The following N4BP2 variants were observed in gnomAD, a reference collection of about 807,000 sequenced individuals.
N4BP2 encodes NEDD4-binding protein 2.
Under a neutral mutation model 152.8 loss-of-function variants are expected in N4BP2, and 91 were observed. The ratio of observed to expected loss-of-function variants is 0.60; its 90% CI spans 0.50 to 0.71. The LOEUF is 0.71. Among genes scored for constraint, N4BP2 ranks in the 30% least tolerant of loss-of-function variants. The pLI is 0.00. For synonymous variants in N4BP2, 646 were observed against 705.3 expected, an observed-to-expected ratio of 0.92 and a Z score of 1.33; for missense variants, 1,923 against 2,059.1, an observed-to-expected ratio of 0.93 and a Z score of 1.28.
intron 2 of N4BP2, among the ~76,000 whole-genome samples, chr4:40,082,753 T>C (rs1578979334): frequency 6.6e-6 from 1 of 151,054 alleles, no homozygotes; most frequent in Non-Finnish European, 1.5e-5. Flanking sequence ...CAGGCTGGAG[T>C]GCAGTGGCTC....
chr4:40,083,340 A>C (rs1244937074), intron 2 of N4BP2, among the ~76,000 whole-genome samples: 1 of 152,136 alleles, frequency 6.6e-6, no homozygotes, highest in African/African-American at 2.4e-5. Flanking sequence ...TTAGATATAT[A>C]CTTGAGAGAT....
At chr4:40,183,571 C>T in the N4BP2 span, among the ~76,000 whole-genome samples, 1 of 152,108 alleles carries the variant, frequency 6.6e-6, no homozygotes, top group African/African-American at 2.4e-5. Flanking sequence ...CTTCTGACCT[C>T]GTGATCCGCC....
Position 40,157,926 on chromosome 4 carries a change from T to C in N4BP2, c.*3689T>C, listed in dbSNP as rs920346580. On this transcript the variant is annotated 3_prime_UTR_variant, in exon 18 of 18. Coordinates refer to ENST00000261435, the MANE Select transcript of N4BP2 (RefSeq NM_018177.6). ...TGAAGAGCCGTTTATAACTTCATATTATATGATGACAAAGTTCATTATTTT... is the reference window on the plus strand; with the variant it reads ...TGAAGAGCCGTTTATAACTTCATATCATATGATGACAAAGTTCATTATTTT... 2.6e-5 allele frequency: 4 copies of C among 152,220 alleles called. No homozygotes were observed. The highest frequency in any genetic ancestry group is 9.6e-5 in the African/African-American group (4 of 41,470). 9.4% of individuals were successfully genotyped at this position (152,220 alleles called of 1,614,324 possible).
At chr4:40,148,215 G>A (rs767575082) in intron 16 of N4BP2, among the ~76,000 whole-genome samples, 9 of 152,256 alleles carry the variant, frequency 5.9e-5, no homozygotes, top group East Asian at 1.9e-4. Flanking sequence ...TCGGGAGGCC[G>A]AGGCTGGCAG....
At chr4:40,115,202 AT>A (rs968160989) in intron 7 of N4BP2, among the ~76,000 whole-genome samples, 4 of 152,108 alleles carry the variant, frequency 2.6e-5, no homozygotes, top group Non-Finnish European at 5.9e-5. Flanking sequence ...TGATGTTAAA[AT>A]TTCCCTATGT....
At chr4:40,058,490 CTT>C (rs1733399061) in intron 1 of N4BP2, among the ~76,000 whole-genome samples, 1 of 152,084 alleles carries the variant, frequency 6.6e-6, no homozygotes, top group Non-Finnish European at 1.5e-5. Flanking sequence ...AATGGCTGCT[CTT>C]TTGCAAGGAG....
intron 12 of N4BP2, among the ~76,000 whole-genome samples, chr4:40,128,590 C>T (rs962266022): frequency 2.7e-5 from 4 of 149,892 alleles, no homozygotes; most frequent in Non-Finnish European, 4.4e-5. Flanking sequence ...TGCAGTGGTG[C>T]GTTCTTGGCA....
At chr4:40,067,690 T>A (rs1453759353) in intron 1 of N4BP2, among the ~76,000 whole-genome samples, 2 of 152,030 alleles carry the variant, frequency 1.3e-5, no homozygotes, top group Non-Finnish European at 2.9e-5. Context: ...TTCACCAACA[T>A]TTTTATTTTT....
chr4:40,088,544 G>A (rs895121042), intron 2 of N4BP2, among the ~76,000 whole-genome samples: 1 of 147,056 alleles, frequency 6.8e-6, no homozygotes, highest in Non-Finnish European at 1.5e-5. Context: ...CTTGTTGCCC[G>A]GGCTGGAGGG....
intron 7 of N4BP2, among the ~76,000 whole-genome samples, chr4:40,116,589 T>A (rs1167789246): frequency 6.6e-6 from 1 of 152,220 alleles, no homozygotes; most frequent in Non-Finnish European, 1.5e-5. Flanking sequence ...GACACTTGCC[T>A]CCCTCTCAAT....
At chr4:40,134,168 C>T (rs1036792954) in intron 13 of N4BP2, among the ~76,000 whole-genome samples, 3 of 152,286 alleles carry the variant, frequency 2.0e-5, no homozygotes, top group Middle Eastern at 3.4e-3. Context: ...AATATGTCAC[C>T]TAAATCAAAT....
At chr4:40,111,324 A>G (rs1716857563) in intron 5 of N4BP2, among the ~76,000 whole-genome samples, 1 of 152,072 alleles carries the variant, frequency 6.6e-6, no homozygotes, top group Admixed American at 6.6e-5. Flanking sequence ...CAGTCTTAAT[A>G]TGTGGGGTTT....
intron 16 of N4BP2, among the ~76,000 whole-genome samples, chr4:40,148,586 C>T (rs1037225260): frequency 7.9e-5 from 12 of 152,240 alleles, no homozygotes; most frequent in Admixed American, 4.6e-4. Context: ...TAGTATAATG[C>T]CCTCCAGCCA....
chr4:40,113,780 CAG>C, intron 7 of N4BP2, among the ~76,000 whole-genome samples: 1 of 152,052 alleles, frequency 6.6e-6, no homozygotes, highest in Non-Finnish European at 1.5e-5. Context: ...AATATAGAGA[CAG>C]GGTCTTGCCA....
At chr4:40,082,027 G>A (rs1474598094) in intron 2 of N4BP2, among the ~76,000 whole-genome samples, 2 of 152,112 alleles carry the variant, frequency 1.3e-5, no homozygotes, top group Non-Finnish European at 2.9e-5. Context: ...CAGGAGACTC[G>A]CTTGAATCTG....
At position 40,121,460 on chromosome 4, in the gene N4BP2, G is replaced by A. The variant is rs931028793; in HGVS notation, c.3349G>A (p.Asp1117Asn). 6.2e-7 allele frequency: 1 copy of A among 1,613,928 alleles called. No homozygotes were observed. Among genetic ancestry groups the A allele is most frequent in the Non-Finnish European group, 8.5e-7 (1 of 1,179,912 alleles). Residue 1117 changes from aspartate to asparagine, a missense_variant, in exon 9 of 18, where the codon GAT becomes AAT. Asp to Asn is a conservative substitution (Grantham distance 23). Coordinates refer to ENST00000261435, the MANE Select transcript of N4BP2 (RefSeq NM_018177.6). ...LKDLYERCNK[D>N]IIWATSLLLD... ...AGACTTATATGAGAGGTGCAATAAAGATATTATTTGGGCCACAAGCCTTTT... is the reference window on the plus strand; with the variant it reads ...AGACTTATATGAGAGGTGCAATAAAAATATTATTTGGGCCACAAGCCTTTT...
intron 12 of N4BP2, among the ~76,000 whole-genome samples, chr4:40,130,744 C>T (rs1579100528): frequency 6.6e-6 from 1 of 152,158 alleles, no homozygotes; most frequent in African/African-American, 2.4e-5. Flanking sequence ...TCAAGGAATC[C>T]TCCTACCTCA....
chr4:40,102,698 G>A lies in N4BP2; in HGVS notation c.853G>A (p.Asp285Asn), dbSNP rs762785614. 2.5e-6 allele frequency: 4 copies of A among 1,614,178 alleles called. No individual in the cohort carries two copies. The highest frequency in any genetic ancestry group is 3.4e-6 in the Non-Finnish European group (4 of 1,180,040). The change falls in exon 4 of 18, where the codon GAT (aspartate) becomes AAT (asparagine). Residue 285 changes from aspartate to asparagine, a missense_variant. Transcript: ENST00000261435. ...VEAQFSEAPV[D>N]LDASEPQACL... is the part of the protein sequence containing the mutation. ...GGCTCAATTCTCTGAAGCTCCTGTA[G>A]ATTTGGATGCCAGTGAACCTCAGGC... is the stretch of plus-strand genomic sequence containing the variant.
chr4:40,105,706 A>G (rs2109968982), intron 4 of N4BP2, among the ~76,000 whole-genome samples: 1 of 151,790 alleles, frequency 6.6e-6, no homozygotes, highest in South Asian at 2.1e-4. Flanking sequence ...TGGGCCCACC[A>G]CACCCGGCTC....
Sources: gnomAD v4.1 joint callset for allele counts (sites outside exome capture counted in the v4.1 genomes callset) on GRCh38, gnomAD v4.1.1 for gene constraint, MANE v1.5 for transcripts, NCBI Gene and HGNC (gene_info 2026-07-23, HGNC 2026-07-21) for gene names.